FBXL2: variants seen among roughly 807,000 people sequenced by gnomAD.
FBXL2 encodes the protein F-box/LRR-repeat protein 2.
Under a neutral mutation model 69.2 loss-of-function variants are expected in FBXL2, and 38 were observed. That is an observed-to-expected ratio of 0.55 (90% CI 0.42 to 0.72). FBXL2 has a LOEUF of 0.72. Among genes scored for constraint, FBXL2 ranks in the 30% least tolerant of loss-of-function variants. FBXL2 has a pLI of 0.00. For missense variants in FBXL2, 354 were observed against 520.3 expected, an observed-to-expected ratio of 0.68 and a Z score of 3.11; for synonymous variants, 192 against 201.3, an observed-to-expected ratio of 0.95 and a Z score of 0.39.
chr3:33,385,582 C>T lies in FBXL2; in HGVS notation c.1246C>T (p.Leu416=). The T allele has an allele frequency of 6.2e-7, 1 of 1,614,128 alleles. No individual in the cohort carries two copies. The highest frequency in any genetic ancestry group is 8.5e-7 in the Non-Finnish European group (1 of 1,180,000). The change falls in exon 15 of 15, where the codon CTG becomes TTG. Residue 416 remains leucine (L), a synonymous_variant. Coordinates refer to ENST00000484457, the MANE Select transcript of FBXL2 (RefSeq NM_012157.5). The part of the protein sequence containing the change: ...PTAVAGSGQR[L]CRCCVIL ...AGCAGTGGCAGGAAGTGGACAGCGACTGTGCAGGTGCTGTGTCATTCTCTG... is the reference window on the plus strand; with the variant it reads ...AGCAGTGGCAGGAAGTGGACAGCGATTGTGCAGGTGCTGTGTCATTCTCTG...
At chr3:33,394,725 C>T (rs1017590125) in intron 12 of FBXL2, among the ~76,000 whole-genome samples, 1 of 151,640 alleles carries the variant, frequency 6.6e-6, no homozygotes, top group African/African-American at 2.4e-5. Context: ...ATAAAAGAAG[C>T]TGGAACTAAA....
At chr3:33,302,566 C>T (rs1409678667) in intron 2 of FBXL2, among the ~76,000 whole-genome samples, 1 of 152,142 alleles carries the variant, frequency 6.6e-6, no homozygotes, top group Non-Finnish European at 1.5e-5. Flanking sequence ...TAGGAGACAG[C>T]AAGTGATACC....
intron 2 of FBXL2, among the ~76,000 whole-genome samples, chr3:33,341,158 G>T (rs1662168186): frequency 6.6e-6 from 1 of 152,152 alleles, no homozygotes; most frequent in Non-Finnish European, 1.5e-5. Context: ...AATACCATTT[G>T]TGAAGTAGTC....
chr3:33,284,645 G>A (rs2034408385), intron 1 of FBXL2, among the ~76,000 whole-genome samples: 1 of 152,120 alleles, frequency 6.6e-6, no homozygotes, highest in Non-Finnish European at 1.5e-5. Flanking sequence ...TGACAGTGGG[G>A]TGTTAAAGTC....
At chr3:33,324,511 T>G (rs997214908) in intron 2 of FBXL2, among the ~76,000 whole-genome samples, 1 of 152,230 alleles carries the variant, frequency 6.6e-6, no homozygotes, top group Non-Finnish European at 1.5e-5. Context: ...AGTTTCAGTT[T>G]TCTGCATATG....
chr3:33,314,149 A>G (rs2037460813), intron 2 of FBXL2, among the ~76,000 whole-genome samples: 1 of 152,138 alleles, frequency 6.6e-6, no homozygotes, highest in Admixed American at 6.6e-5. Flanking sequence ...TGATAAATAA[A>G]GATTGAATAT....
intron 1 of FBXL2, among the ~76,000 whole-genome samples, chr3:33,292,793 C>G (rs888483716): frequency 6.7e-6 from 1 of 149,354 alleles, no homozygotes; most frequent in Admixed American, 6.7e-5. Flanking sequence ...TGCAAGAGAC[C>G]CTTGTTAGAT....
chr3:33,362,124 A>T (rs919878122), intron 4 of FBXL2, among the ~76,000 whole-genome samples: 2 of 152,204 alleles, frequency 1.3e-5, no homozygotes, highest in Non-Finnish European at 2.9e-5. Context: ...TGACTGGCAC[A>T]TGAAGAAAAG....
intron 4 of FBXL2, 30 bp from the exon 5 acceptor site, chr3:33,364,595 T>C (rs373203839): frequency 1.2e-5 from 19 of 1,591,638 alleles, no homozygotes; most frequent in Non-Finnish European, 1.1e-5. Flanking sequence ...AAAAACAGTA[T>C]TTTTTCCTCC....
At chr3:33,377,824 G>C (rs1251608123) in intron 11 of FBXL2, among the ~76,000 whole-genome samples, 1 of 152,174 alleles carries the variant, frequency 6.6e-6, no homozygotes, top group African/African-American at 2.4e-5. Flanking sequence ...TTTACCTGCT[G>C]ATGTCTGCGA....
At chr3:33,396,347 C>G in intron 12 of FBXL2, 1 of 1,178,510 alleles carries the variant, frequency 8.5e-7, no homozygotes, top group Non-Finnish European at 1.2e-6. Flanking sequence ...ACAAATATGA[C>G]AACTACAGGA....
intron 12 of FBXL2, chr3:33,396,671 CAATT>C (rs1463331891): frequency 4.8e-6 from 2 of 419,688 alleles, no homozygotes; most frequent in Non-Finnish European, 9.1e-6. Flanking sequence ...TTTTAATTCA[CAATT>C]AGTTTACATT....
chr3:33,345,538 C>T (rs2040368688), intron 2 of FBXL2, among the ~76,000 whole-genome samples: 1 of 152,146 alleles, frequency 6.6e-6, no homozygotes, highest in Non-Finnish European at 1.5e-5. Flanking sequence ...TATACAGTAA[C>T]ATCAGTTAAC....
the FBXL2 span, among the ~76,000 whole-genome samples, chr3:33,418,731 T>C: frequency 6.6e-6 from 1 of 151,526 alleles, no homozygotes; most frequent in Non-Finnish European, 1.5e-5. Context: ...TGGTGGTGCA[T>C]GCCTGTAATC....
At chr3:33,412,767 C>G in the FBXL2 span, 6 of 1,614,156 alleles carry the variant, frequency 3.7e-6, no homozygotes, top group Non-Finnish European at 5.1e-6. Flanking sequence ...TTCCATCCTT[C>G]AAGTTGCTGA....
chr3:33,413,364 G>C, the FBXL2 span, among the ~76,000 whole-genome samples: 60 of 151,682 alleles, frequency 4.0e-4, no homozygotes, highest in Middle Eastern at 6.9e-3. Flanking sequence ...TGGCTAACAC[G>C]GTGAAACCCC....
chr3:33,419,234 C>T, the FBXL2 span, among the ~76,000 whole-genome samples: 3 of 152,102 alleles, frequency 2.0e-5, no homozygotes, highest in Admixed American at 6.6e-5. Context: ...GTGGCTCACA[C>T]CTGTAATCCT....
intron 2 of FBXL2, among the ~76,000 whole-genome samples, chr3:33,298,566 G>A (rs1575113916): frequency 6.6e-6 from 1 of 151,688 alleles, no homozygotes; most frequent in African/African-American, 2.4e-5. Flanking sequence ...CCCAGCTACT[G>A]GGGAGGCTGA....
chr3:33,344,992 T>C (rs1402169892), intron 2 of FBXL2, among the ~76,000 whole-genome samples: 2 of 152,252 alleles, frequency 1.3e-5, no homozygotes, highest in Non-Finnish European at 2.9e-5. Flanking sequence ...ATGGCTTCAC[T>C]TGGGAATCCT....
Sources: gnomAD v4.1 joint callset for allele counts (sites outside exome capture counted in the v4.1 genomes callset) on GRCh38, gnomAD v4.1.1 for gene constraint, MANE v1.5 for transcripts, NCBI Gene and HGNC (gene_info 2026-07-23, HGNC 2026-07-21) for gene names.